The following WDR25 variants were observed in gnomAD, a reference collection of about 807,000 sequenced individuals.
WDR25 encodes the protein WD repeat domain 25, also known as WD repeat-containing protein 25.
Under a neutral mutation model 47.7 loss-of-function variants are expected in WDR25, and 35 were observed. The ratio of observed to expected loss-of-function variants is 0.73; its 90% CI spans 0.56 to 0.97. The LOEUF is 0.97. WDR25 is among the 50% of genes least tolerant of loss of function. WDR25 has a pLI of 0.00. For missense variants in WDR25, 634 were observed against 704.7 expected (o/e 0.90, Z 1.14); for synonymous variants, 248 against 278.9 (o/e 0.89, Z 1.10).
Position 100,381,225 on chromosome 14 carries a change from A to C in WDR25, c.301A>C (p.Lys101Gln). Residue 101 changes from lysine (K) to glutamine (Q), a missense_variant, in exon 2 of 7, where the codon AAG becomes CAG. Coordinates refer to ENST00000402312, the MANE Select transcript of WDR25 (RefSeq NM_001161476.3). ...CPSQRLQWPG[K>Q]EPQVTFPIKE... is the part of the protein sequence containing the mutation. ...CAGCCAGAGGCTACAGTGGCCCGGG[A>C]AGGAGCCTCAAGTCACCTTCCCCAT... 1 of 1,613,922 alleles carries C rather than the reference A, an allele frequency of 6.2e-7. No individual in the cohort carries two copies. Among genetic ancestry groups the C allele is most frequent in the Non-Finnish European group, 8.5e-7 (1 of 1,179,978 alleles).
At chr14:100,434,996 A>G (rs1201034244) in intron 2 of WDR25, among the ~76,000 whole-genome samples, 1 of 152,138 alleles carries the variant, frequency 6.6e-6, no homozygotes. Flanking sequence ...TGTGGTCTCC[A>G]TTTTGGCTGT....
intron 4 of WDR25, among the ~76,000 whole-genome samples, chr14:100,511,955 C>T (rs1164913195): frequency 6.6e-6 from 1 of 152,100 alleles, no homozygotes; most frequent in Non-Finnish European, 1.5e-5. Flanking sequence ...ATAAACTTCA[C>T]TTGATCATAA....
In WDR25 at chr14:100,425,038, C is replaced by G. The variant is rs1026419138; in HGVS notation, c.823-42983C>G. Among the ~76,000 whole-genome samples, 2 of 152,210 alleles carry G rather than the reference C, an allele frequency of 1.3e-5. No individual in the cohort carries two copies. Among genetic ancestry groups the G allele is most frequent in the Non-Finnish European group, 2.9e-5 (2 of 68,038 alleles). On this transcript the variant is annotated intron_variant, in intron 2 of 6. Transcript: ENST00000402312. This position sits in a 1 kb window ranked among gnomAD's most constrained non-coding sequence, Gnocchi z 4.8. ...ACACCTTCCTGGCCCAGGCTACCAT[C>G]ATATCTTGCCAAGACAAGTGCAGCA...
Position 100,486,277 on chromosome 14 carries a change from G to T in WDR25, c.1101+2153G>T, listed in dbSNP as rs78501870. On this transcript the variant is annotated intron_variant, in intron 4 of 6. Transcript: ENST00000402312. ...AAATTACTCACCAAGGACGCCATCT[G>T]ATTTAAGCATTTGTTAAAAATACCG... Among the ~76,000 whole-genome samples, 1,130 of 152,288 alleles carry T rather than the reference G, an allele frequency of 7.4e-3. 18 individuals carry two copies. Among genetic ancestry groups the T allele is most frequent in the African/African-American group, 0.027 (1,102 of 41,554 alleles).
At chr14:100,412,206 CAAAAAAAA>C (rs34698940) in intron 2 of WDR25, among the ~76,000 whole-genome samples, 1 of 54,196 alleles carries the variant, frequency 1.8e-5, no homozygotes, top group Admixed American at 2.0e-4. Flanking sequence ...GACCCTGTCT[CAAAAAAAA>C]AAAAAAAAAA....
At chr14:100,429,824 C>T (rs1482809274) in intron 2 of WDR25, among the ~76,000 whole-genome samples, 1 of 151,442 alleles carries the variant, frequency 6.6e-6, no homozygotes, top group East Asian at 1.9e-4. Context: ...GCGGTGGGGG[C>T]AGGGAATTGG....
Position 100,525,610 on chromosome 14 carries a change from C to G in WDR25, c.1102-260C>G, listed in dbSNP as rs2030082842. Among the ~76,000 whole-genome samples the G allele has an allele frequency of 1.3e-5, 2 of 152,144 alleles. No homozygotes were observed. The highest frequency in any genetic ancestry group is 1.9e-4 in the East Asian group (1 of 5,194). ...GCTTTCCCTGGGATCCTGCTGCTCT[C>G]AAGGGGTGATAGGGATGCCTCTCTG... On this transcript the variant is annotated intron_variant, in intron 4 of 6. Transcript: ENST00000402312. The surrounding 1 kb of genome is among the most constrained non-coding windows in gnomAD (Gnocchi z 4.6).
Position 100,381,569 on chromosome 14 carries a change from G to T in WDR25, c.645G>T (p.Pro215=), listed in dbSNP as rs1047298646. The change falls in exon 2 of 7, where the codon CCG becomes CCT. Residue 215 remains proline, a synonymous_variant. Coordinates refer to ENST00000402312, the MANE Select transcript of WDR25 (RefSeq NM_001161476.3). ...GRAPAPLYVG[P]GVSEFIQPYL... ...CCCCAGCCCCTCTCTACGTGGGCCC[G>T]GGAGTGTCTGAGTTTATTCAGCCAT... 1 of 1,610,092 alleles carries T rather than the reference G, an allele frequency of 6.2e-7. No homozygotes were observed. The highest frequency in any genetic ancestry group is 1.7e-5 in the Admixed American group (1 of 59,744).
chr14:100,398,880 G>A (rs1322210993), intron 2 of WDR25, among the ~76,000 whole-genome samples: 1 of 150,726 alleles, frequency 6.6e-6, no homozygotes, highest in East Asian at 1.9e-4. Context: ...CCCATATCAG[G>A]AGACCAGAGC....
intron 2 of WDR25, among the ~76,000 whole-genome samples, chr14:100,452,096 C>T (rs1899052981): frequency 6.6e-6 from 1 of 152,198 alleles, no homozygotes; most frequent in South Asian, 2.1e-4. Flanking sequence ...TTCATCCATC[C>T]ATCCGTCCAT....
rs1897566946 is a variant in WDR25 at position 100,407,274 on chromosome 14, G to A, written c.822+25528G>A. 1 of 152,162 alleles carries A rather than the reference G, an allele frequency of 6.6e-6. No individual in the cohort carries two copies. Among genetic ancestry groups the A allele is most frequent in the Admixed American group, 6.5e-5 (1 of 15,286 alleles). The allele number at this position is 152,162 out of a possible 1,614,324, so 9.4% of individuals were successfully genotyped here. A position where few individuals can be genotyped will look rare whatever the true frequency, so the allele number is the denominator to read the frequency against. On this transcript the variant is annotated intron_variant, in intron 2 of 6. Transcript: ENST00000402312. This position sits in a 1 kb window ranked among gnomAD's most constrained non-coding sequence, Gnocchi z 4.1. ...TATTGATGTGCTCACATTTTTTGGGGTAATTGTCCTCCTTTGACATTAATA... is the reference window on the plus strand; with the variant it reads ...TATTGATGTGCTCACATTTTTTGGGATAATTGTCCTCCTTTGACATTAATA...
Position 100,529,110 on chromosome 14 carries a change from C to T in WDR25, c.1315C>T (p.Pro439Ser). The stretch of plus-strand genomic sequence containing the variant: ...CAGCCTCGCCTTGCACCCGAGAGAG[C>T]CCGTGTTCCTGGCACAGACCAATGG... Reference protein sequence around the residue: ...CPSLALHPREPVFLAQTNGNY... With the variant: ...CPSLALHPRESVFLAQTNGNY... Residue 439 changes from proline to serine, a missense_variant, in exon 6 of 7, where the codon CCC (proline) becomes TCC (serine). Transcript: ENST00000402312. This position sits in a 1 kb window ranked among gnomAD's most constrained non-coding sequence, Gnocchi z 5.1. The T allele has an allele frequency of 6.3e-7, 1 of 1,580,278 alleles. No individual in the cohort carries two copies.
At chr14:100,487,999 G>C (rs1900440611) in intron 4 of WDR25, among the ~76,000 whole-genome samples, 3 of 152,188 alleles carry the variant, frequency 2.0e-5, no homozygotes, top group African/African-American at 7.2e-5. Context: ...TTACTTTCCA[G>C]TCATGAGATT....
rs138134881 is a variant in WDR25, at chr14:100,508,830, A to G, written c.1102-17040A>G. Among the ~76,000 whole-genome samples, 344 of 152,242 alleles carry G rather than the reference A, an allele frequency of 2.3e-3. 4 individuals carry two copies. Among genetic ancestry groups the G allele is most frequent in the African/African-American group, 7.7e-3 (318 of 41,556 alleles). ...TTTAAAAATCATATATTGGTGTTGAATTTTGTCAAAAATGATTTTACTACA... is the reference window on the plus strand; with the variant it reads ...TTTAAAAATCATATATTGGTGTTGAGTTTTGTCAAAAATGATTTTACTACA... On this transcript the variant is annotated intron_variant, in intron 4 of 6. Coordinates refer to ENST00000402312, the MANE Select transcript of WDR25 (RefSeq NM_001161476.3).
At chr14:100,385,271 G>GAA (rs1896994169) in intron 2 of WDR25, among the ~76,000 whole-genome samples, 1 of 152,132 alleles carries the variant, frequency 6.6e-6, no homozygotes, top group African/African-American at 2.4e-5. Flanking sequence ...GGATTTTATC[G>GAA]CAAGCCTTTG....
chr14:100,469,445 G>A (rs1047947296), intron 3 of WDR25, among the ~76,000 whole-genome samples: 2 of 152,186 alleles, frequency 1.3e-5, no homozygotes, highest in Admixed American at 1.3e-4. Flanking sequence ...TTTTAAAGGA[G>A]AGGAAACTGA....
At chr14:100,418,806 G>A (rs1897947618) in intron 2 of WDR25, among the ~76,000 whole-genome samples, 1 of 152,088 alleles carries the variant, frequency 6.6e-6, no homozygotes, top group Non-Finnish European at 1.5e-5. Flanking sequence ...CTCCGGGAGG[G>A]ACCTGGCATT....
chr14:100,521,061 T>C (rs1030839028), intron 4 of WDR25, among the ~76,000 whole-genome samples: 1 of 152,198 alleles, frequency 6.6e-6, no homozygotes, highest in African/African-American at 2.4e-5. Flanking sequence ...GAGAAAGGAT[T>C]GGCAAACTAC....
chr14:100,517,732 T>G (rs1361107052), intron 4 of WDR25, among the ~76,000 whole-genome samples: 1 of 152,188 alleles, frequency 6.6e-6, no homozygotes, highest in Non-Finnish European at 1.5e-5. Context: ...TAGTCCCAGC[T>G]GCTCCTGGGG....
Sources: gnomAD v4.1 joint callset for allele counts (sites outside exome capture counted in the v4.1 genomes callset) on GRCh38, gnomAD v4.1.1 for gene constraint, Gnocchi (gnomAD v3.1) non-coding constraint, MANE v1.5 for transcripts, NCBI Gene and HGNC (gene_info 2026-07-23, HGNC 2026-07-21) for gene names.